TRPM3: variants seen among roughly 807,000 people sequenced by gnomAD.
TRPM3 encodes long transient receptor potential channel 3.
TRPM3 carries 77 observed loss-of-function variants against 181.2 expected under a neutral mutation model. The ratio of observed to expected loss-of-function variants is 0.42; its 90% CI spans 0.35 to 0.51. The LOEUF is 0.51. Ranked by LOEUF, TRPM3 falls within the 20% of genes least tolerant of loss-of-function variation. The pLI is 0.01. For missense variants in TRPM3, 1,759 were observed against 2,196.7 expected (o/e 0.80, Z 3.98); for synonymous variants, 745 against 796.4 (o/e 0.94, Z 1.09).
Position 71,050,645 on chromosome 9 carries a change from T to C in TRPM3, c.177+70533A>G, listed in dbSNP as rs576124809. Among the ~76,000 whole-genome samples, 146 of 152,354 alleles carry C rather than the reference T, an allele frequency of 9.6e-4. 1 individual carries two copies. The highest frequency in any genetic ancestry group is 3.3e-3 in the African/African-American group (137 of 41,588). On this transcript the variant is annotated intron_variant, in intron 1 of 25. Transcript: ENST00000677713. ...GTCACTTTTAGAAGTGTTACTTTCC[T>C]TAAACACACTTCTGTTTATATATCA...
In TRPM3 at chr9:71,056,364, G is replaced by T. The variant is rs72731760; in HGVS notation, c.177+64814C>A. 9.8e-3 allele frequency among the ~76,000 whole-genome samples: 1,494 copies of T among 152,038 alleles called. 18 individuals carry two copies. The highest frequency in any genetic ancestry group is 0.014 in the Middle Eastern group (4 of 294). On this transcript the variant is annotated intron_variant, in intron 1 of 25. Coordinates refer to ENST00000677713, the MANE Select transcript of TRPM3 (RefSeq NM_001366145.2). The stretch of plus-strand genomic sequence containing the variant: ...CTTCAGAGAAAGATGATTTAACTCT[G>T]ATCCTTAGAATACACTGCAGAGATA...
Position 70,596,710 on chromosome 9 carries a change from GT to G in TRPM3, c.3048+1708del, listed in dbSNP as rs1450977617. Among the ~76,000 whole-genome samples the G allele has an allele frequency of 2.8e-4, 16 of 57,180 alleles. No individual in the cohort carries two copies. The East Asian group carries it at 7.6e-3, about 27-fold the overall frequency. 37.5% of individuals were successfully genotyped at this position (57,180 alleles called of 152,430 possible). A position where few individuals can be genotyped will look rare whatever the true frequency, so the allele number is the denominator to read the frequency against. ...AGCCTGGGTGACAGAGTAAAACACT[GT>G]CAAAAAAAAAAAAAAAAGAACATCT... On this transcript the variant is annotated intron_variant, in intron 21 of 25. Transcript: ENST00000677713.
chr9:70,681,405 C>T, intron 9 of TRPM3, 101 bp downstream of exon 9: 1 of 956,650 alleles, frequency 1.0e-6, no homozygotes, highest in Non-Finnish European at 1.6e-6. Flanking sequence ...TTTATTGTGT[C>T]ATAGTATCAT....
In TRPM3 at chr9:70,794,092, AT is replaced by A. The variant is rs909806626; in HGVS notation, c.974-9814del. Reference sequence around the variant, plus strand: ...TTCATATGAGAATTTGGGATAGCAGATTTTTTTTTTTAAGTGGGACTTTAAG... The same window carrying A: ...TTCATATGAGAATTTGGGATAGCAGATTTTTTTTTTAAGTGGGACTTTAAG... On this transcript the variant is annotated intron_variant, in intron 6 of 25. Coordinates refer to ENST00000677713, the MANE Select transcript of TRPM3 (RefSeq NM_001366145.2). 6.8e-4 allele frequency among the ~76,000 whole-genome samples: 100 copies of A among 148,030 alleles called. 1 individual carries two copies. The highest frequency in any genetic ancestry group is 1.1e-3 in the South Asian group (5 of 4,660).
At chr9:71,152,916 T>C (rs1022721533) in intron 1 of TRPM3, among the ~76,000 whole-genome samples, 6 of 152,180 alleles carry the variant, frequency 3.9e-5, no homozygotes, top group Admixed American at 6.5e-5. Context: ...CTTACCCTGC[T>C]GAAAGTCTAG....
intron 1 of TRPM3, among the ~76,000 whole-genome samples, chr9:71,423,710 A>G (rs958951352): frequency 3.3e-5 from 5 of 152,150 alleles, no homozygotes; most frequent in Admixed American, 1.3e-4. Flanking sequence ...AGGTATACAC[A>G]CACACACATA....
chr9:71,158,465 T>C (rs2076111390), intron 1 of TRPM3, among the ~76,000 whole-genome samples: 1 of 152,202 alleles, frequency 6.6e-6, no homozygotes, highest in Non-Finnish European at 1.5e-5. Context: ...TACCAGATTC[T>C]AGTTACATAA....
At chr9:71,033,628 A>C (rs931021965) in intron 1 of TRPM3, among the ~76,000 whole-genome samples, 2 of 152,196 alleles carry the variant, frequency 1.3e-5, no homozygotes, top group Non-Finnish European at 1.5e-5. Context: ...GATTAAATAA[A>C]AGAATAAATG....
At chr9:70,907,009 T>G (rs975810221) in intron 1 of TRPM3, among the ~76,000 whole-genome samples, 1 of 152,220 alleles carries the variant, frequency 6.6e-6, no homozygotes, top group East Asian at 1.9e-4. Context: ...CCCAAGTATA[T>G]GAGAGCTGTA....
intron 8 of TRPM3, among the ~76,000 whole-genome samples, chr9:70,702,100 C>G (rs1360177263): frequency 4.0e-5 from 2 of 50,384 alleles, no homozygotes; most frequent in African/African-American, 1.6e-4. Context: ...TATTTTTGAG[C>G]AAGTAAAGAA....
chr9:70,563,559 G>T (rs1244230241), intron 22 of TRPM3, among the ~76,000 whole-genome samples: 1 of 152,162 alleles, frequency 6.6e-6, no homozygotes, highest in Non-Finnish European at 1.5e-5. Context: ...TGAGTTCATT[G>T]AATGGCCAGT....
At chr9:70,849,194 G>A (rs1409964695) in intron 3 of TRPM3, among the ~76,000 whole-genome samples, 1 of 152,074 alleles carries the variant, frequency 6.6e-6, no homozygotes, top group African/African-American at 2.4e-5. Flanking sequence ...GCCTGGGCTG[G>A]AACACAATGG....
At chr9:71,445,896 A>G (rs546232651) in intron 1 of TRPM3, among the ~76,000 whole-genome samples, 16 of 152,232 alleles carry the variant, frequency 1.1e-4, no homozygotes, top group Non-Finnish European at 2.1e-4. Context: ...CTCTTCTAGA[A>G]CAGCGTTCTC....
intron 1 of TRPM3, among the ~76,000 whole-genome samples, chr9:70,975,999 C>T (rs1177408364): frequency 2.0e-5 from 3 of 152,202 alleles, no homozygotes; most frequent in Admixed American, 6.5e-5. Flanking sequence ...CTTCCTCCCC[C>T]AGCCCCTATC....
At chr9:70,822,738 T>G (rs2093277755) in intron 6 of TRPM3, among the ~76,000 whole-genome samples, 1 of 148,090 alleles carries the variant, frequency 6.8e-6, no homozygotes, top group African/African-American at 2.5e-5. Context: ...TTTACCACAG[T>G]TTCAAAAACA....
chr9:71,170,088 A>G (rs943349614), intron 1 of TRPM3, among the ~76,000 whole-genome samples: 1 of 151,978 alleles, frequency 6.6e-6, no homozygotes, highest in Non-Finnish European at 1.5e-5. Flanking sequence ...GAAGATGGTG[A>G]GAGCTGCACA....
At chr9:70,688,445 C>A (rs1414103143) in intron 8 of TRPM3, among the ~76,000 whole-genome samples, 2 of 152,182 alleles carry the variant, frequency 1.3e-5, no homozygotes, top group African/African-American at 4.8e-5. Flanking sequence ...ACCATCCTCC[C>A]AACCTTCCCC....
intron 7 of TRPM3, among the ~76,000 whole-genome samples, chr9:70,778,288 C>T (rs1484408010): frequency 6.6e-6 from 1 of 152,052 alleles, no homozygotes; most frequent in Non-Finnish European, 1.5e-5. Flanking sequence ...TTTATTTTAC[C>T]CTCTGTGCTC....
chr9:71,259,213 A>C (rs2082874546), intron 1 of TRPM3, among the ~76,000 whole-genome samples: 1 of 152,180 alleles, frequency 6.6e-6, no homozygotes, highest in Admixed American at 6.5e-5. Context: ...GTCACTGTGA[A>C]GGACATGAAC....
Sources: allele counts gnomAD v4.1 joint callset (sites outside exome capture counted in the v4.1 genomes callset), GRCh38; gene constraint gnomAD v4.1.1; transcripts MANE v1.5; gene names NCBI Gene and HGNC (gene_info 2026-07-23, HGNC 2026-07-21).